The following UNC13C variants were observed in gnomAD, a reference collection of about 807,000 sequenced individuals.
UNC13C encodes the protein protein unc-13 homolog C.
UNC13C carries 174 observed loss-of-function variants against 245.4 expected under a neutral mutation model. The ratio of observed to expected loss-of-function variants is 0.71; its 90% confidence interval spans 0.63 to 0.80. UNC13C has a LOEUF of 0.80. Ranked by LOEUF, UNC13C falls within the 30% of genes least tolerant of loss-of-function variation. UNC13C has a pLI of 0.00. For synonymous variants in UNC13C, 992 were observed against 895.1 expected (o/e 1.11, Z -1.93); for missense variants, 2,829 against 2,602.9 (o/e 1.09, Z -1.89).
chr15:53,999,012 G>C (rs889729737), intron 1 of UNC13C, among the ~76,000 whole-genome samples: 3 of 151,640 alleles, frequency 2.0e-5, no homozygotes, highest in Non-Finnish European at 2.9e-5. Flanking sequence ...CTAATGTTTT[G>C]TTAAACATTT....
At chr15:54,309,123 C>T (rs2037801527) in intron 13 of UNC13C, among the ~76,000 whole-genome samples, 1 of 151,792 alleles carries the variant, frequency 6.6e-6, no homozygotes, top group Non-Finnish European at 1.5e-5. Flanking sequence ...TTACCATCAA[C>T]AGTGTACGAG....
chr15:54,284,934 A>G (rs2037102731), intron 10 of UNC13C, among the ~76,000 whole-genome samples: 1 of 152,146 alleles, frequency 6.6e-6, no homozygotes, highest in South Asian at 2.1e-4. Flanking sequence ...TATTAGATAT[A>G]AACATATAAT....
intron 2 of UNC13C, among the ~76,000 whole-genome samples, chr15:54,090,087 G>A (rs773891879): frequency 8.5e-5 from 13 of 152,110 alleles, no homozygotes; most frequent in Non-Finnish European, 1.3e-4. Flanking sequence ...TTCTTTCTCC[G>A]AAGACATGCA....
At chr15:53,915,161 C>A in the UNC13C span, among the ~76,000 whole-genome samples, 4 of 152,136 alleles carry the variant, frequency 2.6e-5, no homozygotes, top group African/African-American at 9.7e-5. Flanking sequence ...GCCACAGGGG[C>A]CTGTGGAGCT....
At chr15:54,343,290 C>T (rs558393886) in intron 17 of UNC13C, among the ~76,000 whole-genome samples, 15 of 152,214 alleles carry the variant, frequency 9.9e-5, no homozygotes, top group South Asian at 6.2e-4. Flanking sequence ...CCCACCACCA[C>T]GCCTGGCTTA....
intron 2 of UNC13C, among the ~76,000 whole-genome samples, chr15:54,092,715 G>A (rs1336571705): frequency 6.6e-6 from 1 of 152,104 alleles, no homozygotes; most frequent in African/African-American, 2.4e-5. Flanking sequence ...TGAACTCATA[G>A]TATCAAAACT....
intron 19 of UNC13C, among the ~76,000 whole-genome samples, chr15:54,469,623 A>T (rs1892354723): frequency 6.6e-6 from 1 of 151,604 alleles, no homozygotes; most frequent in Admixed American, 6.6e-5. Context: ...TGCCTAATAC[A>T]ATGCCAACAC....
chr15:53,912,222 T>C, the UNC13C span: 1 of 152,172 alleles, frequency 6.6e-6, no homozygotes, highest in Admixed American at 6.5e-5. Flanking sequence ...GGCAAGACAA[T>C]GTTGTTCAAC....
intron 2 of UNC13C, among the ~76,000 whole-genome samples, chr15:54,081,199 AGTGAGATTTG>A (rs1898919578): frequency 6.6e-6 from 1 of 151,954 alleles, no homozygotes; most frequent in Non-Finnish European, 1.5e-5. Context: ...TTTAGAACTT[AGTGAGATTTG>A]CCTTATGACC....
chr15:54,123,879 C>A (rs1349545149), intron 2 of UNC13C, among the ~76,000 whole-genome samples: 1 of 152,124 alleles, frequency 6.6e-6, no homozygotes, highest in Non-Finnish European at 1.5e-5. Context: ...GAGCTCCTGG[C>A]AACTGCTAAT....
chr15:53,991,084 G>T (rs1207663919), intron 1 of UNC13C, among the ~76,000 whole-genome samples: 1 of 151,982 alleles, frequency 6.6e-6, no homozygotes, highest in African/African-American at 2.4e-5. Flanking sequence ...AGTACCATGG[G>T]ATAGTCATGA....
chr15:54,631,957 AT>A (rs2141333048), downstream of UNC13C: 1 of 152,198 alleles, frequency 6.6e-6, no homozygotes, highest in East Asian at 1.9e-4. Context: ...TCCAGAAGCA[AT>A]GTATGAGAGT....
chr15:54,599,681 C>G (rs1899298623), intron 30 of UNC13C, among the ~76,000 whole-genome samples: 1 of 151,980 alleles, frequency 6.6e-6, no homozygotes, highest in South Asian at 2.1e-4. Flanking sequence ...TAGGAATTTC[C>G]TTTAAGTAGC....
intron 2 of UNC13C, among the ~76,000 whole-genome samples, chr15:54,086,026 T>A (rs997524140): frequency 6.6e-6 from 1 of 152,214 alleles, no homozygotes; most frequent in Non-Finnish European, 1.5e-5. Flanking sequence ...CAAATTTGGA[T>A]CATCTGGGTA....
At chr15:54,153,961 T>G (rs912295989) in intron 4 of UNC13C, among the ~76,000 whole-genome samples, 1 of 152,070 alleles carries the variant, frequency 6.6e-6, no homozygotes, top group Non-Finnish European at 1.5e-5. Flanking sequence ...TGTGGTATTT[T>G]GATTTATTCA....
At chr15:53,915,195 G>A in the UNC13C span, among the ~76,000 whole-genome samples, 4 of 152,180 alleles carry the variant, frequency 2.6e-5, no homozygotes, top group African/African-American at 9.7e-5. Context: ...CCTGGTTTCA[G>A]TAGAAGGTCC....
chr15:54,270,837 A>G (rs1371832047), intron 10 of UNC13C, among the ~76,000 whole-genome samples: 1 of 152,130 alleles, frequency 6.6e-6, no homozygotes, highest in Non-Finnish European at 1.5e-5. Flanking sequence ...GAAGCCACAA[A>G]TAAGATACAA....
rs566855412 is a variant in UNC13C at position 54,589,231 on chromosome 15, A to T, written c.6106+21284A>T. On this transcript the variant is annotated intron_variant, in intron 30 of 32. Transcript: ENST00000260323. ...TTTGATTTGCATTTCGTTGATCATT[A>T]GTAATGTTGAGCATTTTGTCATATG... Among the ~76,000 whole-genome samples the T allele has an allele frequency of 4.1e-5, 6 of 146,682 alleles. No individual in the cohort carries two copies. The East Asian group carries it at 1.3e-3, about 31-fold the overall frequency.
In UNC13C at chr15:54,143,783, G is replaced by T. The variant is rs537068466; in HGVS notation, c.3071+99G>T. On this transcript the variant is annotated intron_variant, in intron 4 of 32. Transcript: ENST00000260323. ...TTGAGTGCAAGATGCTGCATGATTAGCTAGCCTCATTGTTACTTCATTTTA... is the reference window on the plus strand; with the variant it reads ...TTGAGTGCAAGATGCTGCATGATTATCTAGCCTCATTGTTACTTCATTTTA... 51 of 802,228 alleles carry T rather than the reference G, an allele frequency of 6.4e-5. No homozygotes were observed. In the Admixed American group the frequency reaches 9.4e-4, roughly 15 times the overall value. 49.7% of individuals were successfully genotyped at this position (802,228 alleles called of 1,614,324 possible). A position where few individuals can be genotyped will look rare whatever the true frequency, so the allele number is the denominator to read the frequency against.
Sources: allele counts gnomAD v4.1 joint callset (sites outside exome capture counted in the v4.1 genomes callset), GRCh38; gene constraint gnomAD v4.1.1; transcripts MANE v1.5; gene names NCBI Gene and HGNC (gene_info 2026-07-23, HGNC 2026-07-21).